MAML3: variants seen among roughly 807,000 people sequenced by gnomAD.
The protein encoded by MAML3 is mastermind like transcriptional coactivator 3, also known as mastermind-like protein 3.
MAML3 carries 27 observed loss-of-function variants against 101.9 expected under a neutral mutation model. The observed-to-expected ratio is 0.27, with a 90% CI of 0.20 to 0.37. The LOEUF (loss-of-function observed/expected upper bound fraction) is 0.37, where lower values mean the gene tolerates loss of function less well. Ranked by LOEUF, MAML3 falls within the 10% of genes least tolerant of loss-of-function variation. The probability of loss-of-function intolerance (pLI) is 1.00; values close to 1 mark genes in which losing one functional copy is unlikely to be tolerated. For missense variants in MAML3, 1,316 were observed against 1,444.9 expected (o/e 0.91, Z 1.45); for synonymous variants, 501 against 555.9 (o/e 0.90, Z 1.39).
chr4:139,889,225 C>A, intron 2 of MAML3, 132 bp downstream of exon 2: 1 of 1,549,004 alleles, frequency 6.5e-7, no homozygotes. Context: ...TGGCCACTAC[C>A]TGAGGATGTG....
chr4:139,755,404 C>G (rs566957935), intron 2 of MAML3, among the ~76,000 whole-genome samples: 2 of 152,082 alleles, frequency 1.3e-5, no homozygotes, highest in Non-Finnish European at 2.9e-5. Flanking sequence ...GTCAGGAGTT[C>G]GAGACCATCC....
At chr4:140,111,013 G>A (rs2111010957) in intron 1 of MAML3, among the ~76,000 whole-genome samples, 2 of 152,186 alleles carry the variant, frequency 1.3e-5, no homozygotes, top group Admixed American at 6.5e-5. Context: ...GTCAGAATGG[G>A]CCCGAAATGT....
At chr4:140,102,967 A>T (rs1407390592) in intron 1 of MAML3, among the ~76,000 whole-genome samples, 2 of 152,218 alleles carry the variant, frequency 1.3e-5, no homozygotes, top group African/African-American at 4.8e-5. Flanking sequence ...TTAGCAAGGC[A>T]GAAAGTGCAG....
At position 140,153,311 on chromosome 4, in the gene MAML3, G is replaced by T. The variant is rs1578713695; in HGVS notation, c.17C>A (p.Ala6Asp). The change falls in exon 1 of 5, where the codon GCC becomes GAC. Residue 6 changes from alanine to aspartate, a missense_variant. Physicochemically the swap from Ala to Asp is moderately radical, Grantham distance 126. Transcript: ENST00000509479. The stretch of plus-strand genomic sequence containing the variant: ...ACTGCCATTCGCGGCAGCAGCGGGG[G>T]CTGCGAAATCCCCCATCCTGCTCCC... MGDFA[A>D]PAAAANGSSI... 1.3e-6 allele frequency: 2 copies of T among 1,595,446 alleles called. No individual in the cohort carries two copies. The highest frequency in any genetic ancestry group is 1.7e-6 in the Non-Finnish European group (2 of 1,170,100).
intron 2 of MAML3, among the ~76,000 whole-genome samples, chr4:139,772,006 G>A (rs6857757): frequency 0.57 from 85,313 of 150,068 alleles, 24,656 homozygotes; most frequent in African/African-American, 0.67. Flanking sequence ...TTGGGAGGCC[G>A]AGGTGGGCGG....
intron 1 of MAML3, among the ~76,000 whole-genome samples, chr4:139,979,834 A>C (rs1185192827): frequency 1.3e-5 from 2 of 152,070 alleles, no homozygotes; most frequent in Non-Finnish European, 2.9e-5. Flanking sequence ...TGAGAAAACA[A>C]ATTTCTGTTC....
intron 2 of MAML3, among the ~76,000 whole-genome samples, chr4:139,809,251 T>C (rs956732497): frequency 1.3e-5 from 2 of 152,160 alleles, no homozygotes; most frequent in South Asian, 4.1e-4. Context: ...AGGCAAAGAC[T>C]AGCTAGACAA....
chr4:140,127,482 T>C (rs927925335), intron 1 of MAML3, among the ~76,000 whole-genome samples: 1 of 152,200 alleles, frequency 6.6e-6, no homozygotes, highest in African/African-American at 2.4e-5. Context: ...GGCCTAAACA[T>C]GCTAAGCACC....
At chr4:139,851,673 T>A (rs1043836798) in intron 2 of MAML3, among the ~76,000 whole-genome samples, 2 of 152,134 alleles carry the variant, frequency 1.3e-5, no homozygotes, top group Non-Finnish European at 2.9e-5. Flanking sequence ...AAGTGGAAAA[T>A]GGATTTTGTG....
intron 4 of MAML3, among the ~76,000 whole-genome samples, chr4:139,723,425 C>T (rs6841149): frequency 0.19 from 28,776 of 152,166 alleles, 3,093 homozygotes; most frequent in East Asian, 0.25. Context: ...ATTCTCCTGC[C>T]CCAGCCTCCG....
chr4:139,761,181 A>G (rs954698569), intron 2 of MAML3, among the ~76,000 whole-genome samples: 1 of 152,090 alleles, frequency 6.6e-6, no homozygotes, highest in Non-Finnish European at 1.5e-5. Flanking sequence ...GATGGTCTTG[A>G]ACTCCTGACC....
At chr4:139,946,796 G>T (rs1733735153) in intron 1 of MAML3, among the ~76,000 whole-genome samples, 1 of 151,562 alleles carries the variant, frequency 6.6e-6, no homozygotes. Context: ...TGAGGGTCAA[G>T]AAATACTACA....
chr4:140,110,704 G>A (rs1437163093), intron 1 of MAML3, among the ~76,000 whole-genome samples: 2 of 151,750 alleles, frequency 1.3e-5, no homozygotes, highest in African/African-American at 4.9e-5. Flanking sequence ...ATGGACAAAA[G>A]GGCACAGAGA....
At chr4:139,741,478 G>A (rs1012186095) in intron 2 of MAML3, among the ~76,000 whole-genome samples, 4 of 152,252 alleles carry the variant, frequency 2.6e-5, no homozygotes, top group South Asian at 2.1e-4. Flanking sequence ...TGAGCTGAGC[G>A]TGGTGGCTCA....
intron 1 of MAML3, among the ~76,000 whole-genome samples, chr4:140,000,334 G>GAA (rs754334381): frequency 1.4e-5 from 2 of 138,924 alleles, no homozygotes; most frequent in Admixed American, 1.4e-4. Flanking sequence ...TATCCCTGAA[G>GAA]AAAAAAAAAA....
chr4:139,741,383 C>T (rs75680644), intron 2 of MAML3, among the ~76,000 whole-genome samples: 9,337 of 152,152 alleles, frequency 0.061, 384 homozygotes, highest in East Asian at 0.1. Flanking sequence ...ACATATTCTT[C>T]GAACAAGGTT....
rs187205330 is a variant in MAML3, at chr4:139,925,269, G to A, written c.469-34302C>T. 1.8e-3 allele frequency among the ~76,000 whole-genome samples: 279 copies of A among 152,192 alleles called. 2 individuals carry two copies. The highest frequency in any genetic ancestry group is 6.3e-3 in the African/African-American group (262 of 41,526). The stretch of plus-strand genomic sequence containing the variant: ...TTTTGAGATGGAGTCTCACTCTGTC[G>A]TGCAGGCTTGAGTGCAGTGGTGCAA... On this transcript the variant is annotated intron_variant, in intron 1 of 4. Transcript: ENST00000509479.
chr4:139,954,167 A>G (rs1313061388), intron 1 of MAML3, among the ~76,000 whole-genome samples: 1 of 152,190 alleles, frequency 6.6e-6, no homozygotes. Context: ...CATATTTTAT[A>G]TCCTTAGAAT....
chr4:139,761,094 G>A (rs1729747979), intron 2 of MAML3, among the ~76,000 whole-genome samples: 1 of 152,152 alleles, frequency 6.6e-6, no homozygotes, highest in Admixed American at 6.5e-5. Flanking sequence ...GAGTAGCTGA[G>A]ATTACAGGCA....
Sources: allele counts gnomAD v4.1 joint callset (sites outside exome capture counted in the v4.1 genomes callset), GRCh38; gene constraint gnomAD v4.1.1; transcripts MANE v1.5; gene names NCBI Gene and HGNC (gene_info 2026-07-23, HGNC 2026-07-21).